Variants in ZNF560 observed in about 807,000 individuals in gnomAD.
ZNF560 encodes zinc finger protein 560.
ZNF560 carries 54 observed loss-of-function variants against 81.8 expected under a neutral mutation model. The observed-to-expected ratio is 0.66, with a 90% CI of 0.53 to 0.83. ZNF560 has a LOEUF of 0.83. ZNF560 is among the 40% of genes least tolerant of loss of function. The pLI, the probability that ZNF560 is intolerant of heterozygous loss-of-function variation, is 0.00. For synonymous variants in ZNF560, 321 were observed against 317.9 expected, an observed-to-expected ratio of 1.01 and a Z score of -0.10; for missense variants, 940 against 932.4, an observed-to-expected ratio of 1.01 and a Z score of -0.11.
chr19:9,498,449 T>C (rs1337388796), intron 1 of ZNF560, 89 bp downstream of exon 1: 2 of 152,242 alleles, frequency 1.3e-5, no homozygotes, highest in Non-Finnish European at 2.9e-5. Flanking sequence ...CAGGCCTCTG[T>C]AAGGAGGTTC....
intron 2 of ZNF560, among the ~76,000 whole-genome samples, chr19:9,484,247 T>G (rs893737398): frequency 6.6e-6 from 1 of 150,994 alleles, no homozygotes; most frequent in South Asian, 2.1e-4. Context: ...CCTATGATCC[T>G]GCCAAATCCC....
Position 9,466,992 on chromosome 19 carries a change from C to G in ZNF560, c.1955G>C (p.Gly652Ala). Residue 652 changes from glycine to alanine, a missense_variant, in exon 10 of 10, where the codon GGA (glycine) becomes GCA (alanine). Coordinates refer to ENST00000301480, the MANE Select transcript of ZNF560 (RefSeq NM_152476.3). The stretch of plus-strand genomic sequence containing the variant: ...TGCATTACATTTATAGGGTTTATAT[C>G]CAGTGTGAGTTCTTAAATGATCAAC... ...SLVDHLRTHT[G>A]YKPYKCNACE... 1 of 1,614,058 alleles carries G rather than the reference C, an allele frequency of 6.2e-7. No homozygotes were observed. Among genetic ancestry groups the G allele is most frequent in the Non-Finnish European group, 8.5e-7 (1 of 1,180,016 alleles).
chr19:9,502,955 T>G (rs983634575), upstream of ZNF560, among the ~76,000 whole-genome samples: 8 of 152,164 alleles, frequency 5.3e-5, no homozygotes, highest in Admixed American at 6.5e-5. Context: ...CCATTTCACG[T>G]ATTTCCCTTC....
the ZNF560 span, among the ~76,000 whole-genome samples, chr19:9,446,596 C>A: frequency 1.3e-5 from 2 of 152,092 alleles, no homozygotes; most frequent in Admixed American, 6.5e-5. Flanking sequence ...TAAACAGTTT[C>A]CTCCTAATCA....
Position 9,470,438 on chromosome 19 carries a change from C to T in ZNF560, c.402G>A (p.Leu134=), listed in dbSNP as rs1483268275. The change falls in exon 7 of 10, where the codon CTG becomes CTA. Residue 134 remains leucine, a synonymous_variant. Coordinates refer to ENST00000301480, the MANE Select transcript of ZNF560 (RefSeq NM_152476.3). ...WTLLDPAQRN[L]YSDVMLENYK... is the part of the protein sequence containing the mutation. Reference sequence around the variant, plus strand: ...AGTTCTCCAGCATCACATCACTGTACAGGTTTCTCTGAGCTGGGTCCAGTA... The same window carrying T: ...AGTTCTCCAGCATCACATCACTGTATAGGTTTCTCTGAGCTGGGTCCAGTA... 2 of 1,613,980 alleles carry T rather than the reference C, an allele frequency of 1.2e-6. No individual in the cohort carries two copies. The highest frequency in any genetic ancestry group is 1.7e-6 in the Non-Finnish European group (2 of 1,179,918).
chr19:9,502,494 G>A (rs1239850290), upstream of ZNF560, among the ~76,000 whole-genome samples: 3 of 152,194 alleles, frequency 2.0e-5, no homozygotes, highest in South Asian at 6.2e-4. Flanking sequence ...ACAGGCATGA[G>A]CCACAACACC....
At chr19:9,446,628 G>C in the ZNF560 span, among the ~76,000 whole-genome samples, 1 of 152,196 alleles carries the variant, frequency 6.6e-6, no homozygotes, top group Non-Finnish European at 1.5e-5. Context: ...CAAAAGTGAT[G>C]CAATGTCAGT....
the ZNF560 span, among the ~76,000 whole-genome samples, chr19:9,461,288 A>G: frequency 6.6e-6 from 1 of 152,176 alleles, no homozygotes; most frequent in African/African-American, 2.4e-5. Context: ...CCAGGAAGGT[A>G]GATTGTCCTC....
intron 9 of ZNF560, among the ~76,000 whole-genome samples, chr19:9,468,613 T>A (rs1319816539): frequency 6.6e-6 from 1 of 152,166 alleles, no homozygotes; most frequent in Non-Finnish European, 1.5e-5. Context: ...TCATGGGAAG[T>A]CTTAAGTACC....
At chr19:9,486,699 C>T (rs1299565308) in intron 2 of ZNF560, among the ~76,000 whole-genome samples, 2 of 150,998 alleles carry the variant, frequency 1.3e-5, no homozygotes, top group African/African-American at 2.4e-5. Flanking sequence ...AAGATCATGC[C>T]ACTGCACTCT....
chr19:9,471,449 T>G (rs1429714619), intron 5 of ZNF560, 71 bp from the exon 6 acceptor site: 1 of 995,182 alleles, frequency 1.0e-6, no homozygotes, highest in Non-Finnish European at 1.4e-6. Context: ...AGTTAAAAAT[T>G]ATAGGCCTCA....
the ZNF560 span, among the ~76,000 whole-genome samples, chr19:9,447,538 C>T: frequency 6.6e-6 from 1 of 151,976 alleles, no homozygotes; most frequent in African/African-American, 2.4e-5. Flanking sequence ...TTAATCAAAG[C>T]TACAGGAACT....
chr19:9,471,574 C>T (rs2073123369), intron 5 of ZNF560, among the ~76,000 whole-genome samples, 196 bp from the exon 6 acceptor site: 1 of 151,942 alleles, frequency 6.6e-6, no homozygotes. Flanking sequence ...AGCTAATTTG[C>T]TACAAATTGA....
the ZNF560 span, among the ~76,000 whole-genome samples, chr19:9,504,150 T>C: frequency 6.6e-6 from 1 of 152,192 alleles, no homozygotes; most frequent in Non-Finnish European, 1.5e-5. Flanking sequence ...TTACTGAGAC[T>C]CTGCTGGGTG....
chr19:9,501,327 TTG>T (rs71185606), upstream of ZNF560, among the ~76,000 whole-genome samples: 14,370 of 108,600 alleles, frequency 0.13, 862 homozygotes, highest in African/African-American at 0.16. Flanking sequence ...CCTGGCTACT[TTG>T]TGTGTGTGTG....
At chr19:9,480,546 A>G (rs576483458) in intron 2 of ZNF560, among the ~76,000 whole-genome samples, 16 of 152,246 alleles carry the variant, frequency 1.1e-4, no homozygotes, top group Middle Eastern at 3.4e-3. Context: ...TAAAGACCAG[A>G]ACTGAAATAA....
At chr19:9,471,511 ATT>A in intron 5 of ZNF560, 133 bp from the exon 6 acceptor site, 1 of 609,526 alleles carries the variant, frequency 1.6e-6, no homozygotes, top group East Asian at 3.3e-5. Flanking sequence ...TAAATTGAAC[ATT>A]TAGACTGTGT....
chr19:9,500,905 T>C (rs1354523660), upstream of ZNF560, among the ~76,000 whole-genome samples: 1 of 152,012 alleles, frequency 6.6e-6, no homozygotes, highest in African/African-American at 2.4e-5. Flanking sequence ...AGGAAAAGTG[T>C]TGGGTTTCAT....
At chr19:9,457,030 A>G in the ZNF560 span, among the ~76,000 whole-genome samples, 1 of 152,180 alleles carries the variant, frequency 6.6e-6, no homozygotes, top group Non-Finnish European at 1.5e-5. Context: ...ATCCTGTTAA[A>G]ATGGCTGACA....
Sources: gnomAD v4.1 joint callset for allele counts (sites outside exome capture counted in the v4.1 genomes callset) on GRCh38, gnomAD v4.1.1 for gene constraint, MANE v1.5 for transcripts, NCBI Gene and HGNC (gene_info 2026-07-23, HGNC 2026-07-21) for gene names.